DPP10: variants seen among roughly 807,000 people sequenced by gnomAD.
The protein encoded by DPP10 is dipeptidyl peptidase like 10.
Under a neutral mutation model 120.9 loss-of-function variants are expected in DPP10, and 33 were observed. The ratio of observed to expected loss-of-function variants is 0.27; its 90% CI spans 0.21 to 0.37. The LOEUF (loss-of-function observed/expected upper bound fraction) is 0.37. DPP10 is among the 10% of genes least tolerant of loss of function. DPP10 has a pLI of 1.00. For missense variants in DPP10, 816 were observed against 942.8 expected, an observed-to-expected ratio of 0.87 and a Z score of 1.76; for synonymous variants, 337 against 326.1, an observed-to-expected ratio of 1.03 and a Z score of -0.36.
intron 1 of DPP10, among the ~76,000 whole-genome samples, chr2:114,613,214 G>A (rs1273758338): frequency 1.3e-5 from 2 of 152,090 alleles, no homozygotes; most frequent in Non-Finnish European, 2.9e-5. Context: ...ACTCATATTA[G>A]CATATTTATG....
rs373904666 is a variant in DPP10 at position 114,644,450 on chromosome 2, A to G, written c.60+201612A>G. Among the ~76,000 whole-genome samples the G allele has an allele frequency of 5.9e-5, 9 of 151,752 alleles. No individual in the cohort carries two copies. The East Asian group carries it at 1.5e-3, about 26-fold the overall frequency. On this transcript the variant is annotated intron_variant, in intron 1 of 25. Transcript: ENST00000410059. ...TCTAGATATCTTATCTCCCTATTAC[A>G]AAACTCCTCTCTCTTGATTATTACA...
intron 1 of DPP10, among the ~76,000 whole-genome samples, chr2:114,780,101 A>G (rs1194282016): frequency 6.6e-6 from 1 of 152,012 alleles, no homozygotes; most frequent in African/African-American, 2.4e-5. Context: ...GCACCACTGC[A>G]CTCCAGCCTG....
Position 114,782,148 on chromosome 2 carries a change from A to G in DPP10, c.60+339310A>G, listed in dbSNP as rs1347591455. The stretch of plus-strand genomic sequence containing the variant: ...TAATTACAGTTGTGCGTGTGTGTGC[A>G]TGTACGTTGCATATTTTTTAATGGA... On this transcript the variant is annotated intron_variant, in intron 1 of 25. Coordinates refer to ENST00000410059, the MANE Select transcript of DPP10 (RefSeq NM_020868.6). Among the ~76,000 whole-genome samples the G allele has an allele frequency of 2.0e-5, 3 of 151,946 alleles. No homozygotes were observed. The East Asian group carries it at 5.8e-4, about 29-fold the overall frequency.
At chr2:114,745,407 C>A (rs571360410) in intron 1 of DPP10, among the ~76,000 whole-genome samples, 1 of 152,180 alleles carries the variant, frequency 6.6e-6, no homozygotes, top group Admixed American at 6.5e-5. Context: ...TGTTGTATTT[C>A]TCCAGGAAGA....
intron 1 of DPP10, among the ~76,000 whole-genome samples, chr2:114,815,336 A>G (rs376102638): frequency 1.1e-4 from 16 of 152,180 alleles, no homozygotes; most frequent in African/African-American, 3.9e-4. Context: ...CATTGAGCCA[A>G]GCACTCATGT....
intron 1 of DPP10, among the ~76,000 whole-genome samples, chr2:114,781,784 A>G (rs1351783951): frequency 3.3e-5 from 5 of 152,058 alleles, no homozygotes; most frequent in Admixed American, 2.6e-4. Context: ...TGTTCTTCCA[A>G]TGAGTTCTCT....
At chr2:114,685,575 G>C (rs1467757098) in intron 1 of DPP10, among the ~76,000 whole-genome samples, 1 of 151,898 alleles carries the variant, frequency 6.6e-6, no homozygotes, top group South Asian at 2.1e-4. Flanking sequence ...AATCAAATGT[G>C]CAAAATTGAA....
chr2:115,583,562 T>C (rs1469565734), intron 5 of DPP10, among the ~76,000 whole-genome samples: 1 of 152,122 alleles, frequency 6.6e-6, no homozygotes, highest in Non-Finnish European at 1.5e-5. Flanking sequence ...GATATGATGA[T>C]TTCAAAGTGG....
intron 1 of DPP10, among the ~76,000 whole-genome samples, chr2:114,996,946 C>T (rs72834145): frequency 7.3e-6 from 1 of 136,712 alleles, no homozygotes; most frequent in Non-Finnish European, 1.5e-5. Flanking sequence ...CGTGCCACTG[C>T]GTTCTAGCCT....
In DPP10 at chr2:114,633,817, G is replaced by A. The variant is rs572402430; in HGVS notation, c.60+190979G>A. On this transcript the variant is annotated intron_variant, in intron 1 of 25. Coordinates refer to ENST00000410059, the MANE Select transcript of DPP10 (RefSeq NM_020868.6). ...TTTAGTACAGATGGGGTTTCCTTAT[G>A]TTAGCCAGACTGGTCTTGAACTCCT... Among the ~76,000 whole-genome samples the A allele has an allele frequency of 1.3e-4, 20 of 151,684 alleles. No homozygotes were observed. In the South Asian group the frequency reaches 3.9e-3, roughly 30 times the overall value.
intron 1 of DPP10, among the ~76,000 whole-genome samples, chr2:114,750,881 G>C (rs1027567681): frequency 5.3e-5 from 8 of 152,208 alleles, no homozygotes; most frequent in Non-Finnish European, 8.8e-5. Context: ...GTGATTACAA[G>C]TTTTGGAGAC....
chr2:115,301,465 CTACT>C (rs1350738444), intron 1 of DPP10, among the ~76,000 whole-genome samples: 2 of 113,310 alleles, frequency 1.8e-5, no homozygotes, highest in Non-Finnish European at 3.4e-5. Context: ...GGAAAGTGGG[CTACT>C]TTTTTTTTTT....
At chr2:115,276,404 G>A (rs1306112607) in intron 1 of DPP10, among the ~76,000 whole-genome samples, 1 of 152,052 alleles carries the variant, frequency 6.6e-6, no homozygotes, top group Non-Finnish European at 1.5e-5. Context: ...AATTTTCCCT[G>A]CATTTTTATC....
chr2:114,531,914 C>T (rs1475171366), intron 1 of DPP10, among the ~76,000 whole-genome samples: 1 of 151,836 alleles, frequency 6.6e-6, no homozygotes, highest in African/African-American at 2.4e-5. Flanking sequence ...AAGAGACTAG[C>T]ATATGAATGG....
intron 1 of DPP10, among the ~76,000 whole-genome samples, chr2:114,687,550 A>G (rs547110539): frequency 6.6e-6 from 1 of 152,124 alleles, no homozygotes; most frequent in African/African-American, 2.4e-5. Flanking sequence ...AACCTTAATA[A>G]GGCTCTTCAT....
intron 3 of DPP10, among the ~76,000 whole-genome samples, chr2:115,448,351 C>A (rs2072807255): frequency 6.6e-6 from 1 of 152,100 alleles, no homozygotes; most frequent in South Asian, 2.1e-4. Context: ...CAAACACTAC[C>A]ATAAGATGAT....
intron 1 of DPP10, among the ~76,000 whole-genome samples, chr2:114,757,444 A>T (rs575319185): frequency 6.6e-6 from 1 of 152,108 alleles, no homozygotes; most frequent in African/African-American, 2.4e-5. Context: ...GAAGGAAAAA[A>T]GATTCATTAA....
chr2:114,759,600 C>T (rs1680098308), intron 1 of DPP10, among the ~76,000 whole-genome samples: 1 of 152,042 alleles, frequency 6.6e-6, no homozygotes, highest in Non-Finnish European at 1.5e-5. Context: ...AAGTGGCCCT[C>T]TGTCTATCTT....
intron 1 of DPP10, among the ~76,000 whole-genome samples, chr2:114,804,435 C>T (rs1214696487): frequency 6.6e-6 from 1 of 152,148 alleles, no homozygotes; most frequent in Non-Finnish European, 1.5e-5. Flanking sequence ...CAACAGCTTG[C>T]ACTGTGCACC....
Sources: allele counts gnomAD v4.1 joint callset (sites outside exome capture counted in the v4.1 genomes callset), GRCh38; gene constraint gnomAD v4.1.1; transcripts MANE v1.5; gene names NCBI Gene and HGNC (gene_info 2026-07-23, HGNC 2026-07-21).